Variants in SLC4A5 observed in about 807,000 individuals in gnomAD.
SLC4A5 encodes the protein electrogenic sodium bicarbonate cotransporter 4.
In SLC4A5, 96 loss-of-function variants were observed where a neutral mutation model predicts 120.4. That is an observed-to-expected ratio of 0.80 (90% confidence interval 0.68 to 0.94). SLC4A5 has a LOEUF of 0.94. Ranked by LOEUF, SLC4A5 falls within the 40% of genes least tolerant of loss-of-function variation. The pLI is 0.00. For missense variants in SLC4A5, 1,259 were observed against 1,459.5 expected, an observed-to-expected ratio of 0.86 and a Z score of 2.24; for synonymous variants, 550 against 571.1, an observed-to-expected ratio of 0.96 and a Z score of 0.53.
intron 8 of SLC4A5, among the ~76,000 whole-genome samples, chr2:74,269,545 T>C (rs1315152659): frequency 6.6e-6 from 1 of 152,174 alleles, no homozygotes; most frequent in African/African-American, 2.4e-5. Context: ...TCCAAATGTT[T>C]TAGTTGAGAG....
chr2:74,323,216 G>A (rs1673137562), intron 5 of SLC4A5, among the ~76,000 whole-genome samples: 1 of 152,122 alleles, frequency 6.6e-6, no homozygotes, highest in Non-Finnish European at 1.5e-5. Context: ...TTCCACCTAG[G>A]TGACAGAGTG....
Position 74,288,807 on chromosome 2 carries a change from T to A in SLC4A5, c.272-2905A>T, listed in dbSNP as rs1573065705. 1.3e-5 allele frequency among the ~76,000 whole-genome samples: 2 copies of A among 152,174 alleles called. 1 individual carries two copies. Among genetic ancestry groups the A allele is most frequent in the South Asian group, 4.1e-4 (2 of 4,826 alleles). On this transcript the variant is annotated intron_variant, in intron 7 of 30. Coordinates refer to ENST00000394019, the Ensembl canonical transcript of SLC4A5. ...CAGCCTTCTCAAGTCAACCTCAACA[T>A]ATTCAAAACAGCTCTGCATCCCTTC...
At chr2:74,271,772 A>G (rs889032178) in intron 8 of SLC4A5, among the ~76,000 whole-genome samples, 1 of 151,672 alleles carries the variant, frequency 6.6e-6, no homozygotes, top group Non-Finnish European at 1.5e-5. Context: ...GGGGAAAAAA[A>G]GCTTAAAACT....
intron 23 of SLC4A5, 94 bp from the exon 24 acceptor site, chr2:74,232,741 G>C: frequency 6.8e-7 from 1 of 1,477,114 alleles, no homozygotes; most frequent in Non-Finnish European, 9.1e-7. Flanking sequence ...AGGACCCCCT[G>C]CCTTCCAGAA....
intron 14 of SLC4A5, 111 bp downstream of exon 14, chr2:74,254,508 G>C (rs1573030737): frequency 1.2e-6 from 1 of 811,318 alleles, no homozygotes; most frequent in East Asian, 2.4e-5. Context: ...GTAGTGCCTG[G>C]TACACAGTAG....
intron 11 of SLC4A5, among the ~76,000 whole-genome samples, chr2:74,261,313 G>A (rs1456137140): frequency 6.6e-6 from 1 of 152,172 alleles, no homozygotes; most frequent in East Asian, 1.9e-4. Flanking sequence ...GCATCCCTAT[G>A]TGGCATAACA....
At chr2:74,264,149 G>C in exon 10 of SLC4A5, 1 of 1,613,480 alleles carries the variant, frequency 6.2e-7, no homozygotes, top group Middle Eastern at 1.7e-4. Context: ...TGACTCACTT[G>C]TGGTGGAGAC....
intron 25 of SLC4A5, among the ~76,000 whole-genome samples, chr2:74,229,966 C>T (rs1042145133): frequency 1.9e-4 from 28 of 150,592 alleles, no homozygotes; most frequent in African/African-American, 6.4e-4. Context: ...ACTGCAGCCT[C>T]GACCTCCTGG....
At chr2:74,264,467 GGCC>G (rs1422068858) in intron 9 of SLC4A5, among the ~76,000 whole-genome samples, 168 bp from the exon 10 acceptor site, 1 of 144,324 alleles carries the variant, frequency 6.9e-6, no homozygotes, top group African/African-American at 2.6e-5. Flanking sequence ...ACCAACTCTT[GGCC>G]TCCTCCTGTT....
chr2:74,313,021 T>C (rs1057429013), intron 6 of SLC4A5, among the ~76,000 whole-genome samples: 1 of 151,946 alleles, frequency 6.6e-6, no homozygotes, highest in Non-Finnish European at 1.5e-5. Flanking sequence ...TTGTCCTTTT[T>C]TTTTTTTTAA....
At chr2:74,318,221 CAAAT>C (rs1218985100) in intron 5 of SLC4A5, among the ~76,000 whole-genome samples, 8 of 151,886 alleles carry the variant, frequency 5.3e-5, no homozygotes, top group African/African-American at 1.5e-4. Flanking sequence ...AAGAAAAAAA[CAAAT>C]AACCCCATTA....
At chr2:74,313,336 T>C (rs1261387486) in intron 6 of SLC4A5, among the ~76,000 whole-genome samples, 2 of 152,250 alleles carry the variant, frequency 1.3e-5, no homozygotes, top group Admixed American at 6.5e-5. Context: ...AATAACGCTA[T>C]ACTGTTTCTC....
At chr2:74,295,351 C>A (rs896337528) in intron 7 of SLC4A5, among the ~76,000 whole-genome samples, 1 of 152,030 alleles carries the variant, frequency 6.6e-6, no homozygotes, top group African/African-American at 2.4e-5. Flanking sequence ...TTGAGTATCT[C>A]GGCCAGGTGC....
At chr2:74,259,456 C>T in intron 12 of SLC4A5, 132 bp downstream of exon 12, 2 of 1,057,944 alleles carry the variant, frequency 1.9e-6, no homozygotes, top group Non-Finnish European at 2.9e-6. Context: ...AGAGTCCCCA[C>T]TGGGGATCTT....
chr2:74,315,095 T>C (rs1573095836), intron 5 of SLC4A5, 70 bp from the exon 6 acceptor site: 2 of 1,290,738 alleles, frequency 1.5e-6, no homozygotes, highest in East Asian at 4.6e-5. Flanking sequence ...GGAGAAATGG[T>C]CAAATCCACA....
At chr2:74,287,389 G>C (rs1672017138) in intron 7 of SLC4A5, among the ~76,000 whole-genome samples, 1 of 152,100 alleles carries the variant, frequency 6.6e-6, no homozygotes, top group South Asian at 2.1e-4. Context: ...GCTAGACAAG[G>C]GTGTGAGTCT....
chr2:74,291,924 T>C (rs528563338), intron 7 of SLC4A5, among the ~76,000 whole-genome samples: 1 of 152,186 alleles, frequency 6.6e-6, no homozygotes, highest in African/African-American at 2.4e-5. Context: ...TCAGGCCCTG[T>C]GGGTGGCCTC....
chr2:74,302,101 T>C (rs1672489044), intron 7 of SLC4A5, among the ~76,000 whole-genome samples: 1 of 152,144 alleles, frequency 6.6e-6, no homozygotes, highest in Admixed American at 6.5e-5. Context: ...CCTACAAATA[T>C]ACAAATGCAT....
chr2:74,299,442 C>A (rs1053293623), intron 7 of SLC4A5, among the ~76,000 whole-genome samples: 4 of 152,190 alleles, frequency 2.6e-5, no homozygotes, highest in African/African-American at 9.7e-5. Flanking sequence ...GTAAAACATG[C>A]CTTTGCTCCT....
Sources: allele counts gnomAD v4.1 joint callset (sites outside exome capture counted in the v4.1 genomes callset), GRCh38; gene constraint gnomAD v4.1.1; transcripts MANE v1.5; gene names NCBI Gene and HGNC (gene_info 2026-07-23, HGNC 2026-07-21).